The following OSBP2 variants were observed in gnomAD, a reference collection of about 807,000 sequenced individuals.
OSBP2 encodes the protein oxysterol-binding protein 2.
OSBP2 carries 66 observed loss-of-function variants against 96.0 expected under a neutral mutation model. That is an observed-to-expected ratio of 0.69 (90% CI 0.56 to 0.84). The LOEUF (loss-of-function observed/expected upper bound fraction) is 0.84, where lower values mean the gene tolerates loss of function less well. OSBP2 is among the 40% of genes least tolerant of loss of function. The pLI, the probability that OSBP2 is intolerant of heterozygous loss-of-function variation, is 0.00. For synonymous variants in OSBP2, 525 were observed against 520.9 expected, an observed-to-expected ratio of 1.01 and a Z score of -0.11; for missense variants, 1,038 against 1,222.7, an observed-to-expected ratio of 0.85 and a Z score of 2.25.
At chr22:30,902,765 A>C (rs1298502161) in intron 12 of OSBP2, 2 of 443,970 alleles carry the variant, frequency 4.5e-6, no homozygotes, top group Non-Finnish European at 8.8e-6. Context: ...GAATTCGTTC[A>C]CAAGGAGCAA....
At chr22:30,743,038 A>G (rs1317597348) in intron 2 of OSBP2, among the ~76,000 whole-genome samples, 2 of 152,220 alleles carry the variant, frequency 1.3e-5, no homozygotes, top group African/African-American at 4.8e-5. Context: ...ATGTGTCTAC[A>G]CATGCAACAG....
upstream of OSBP2, among the ~76,000 whole-genome samples, chr22:30,694,531 G>A (rs1011708931): frequency 1.3e-5 from 2 of 152,176 alleles, no homozygotes; most frequent in Non-Finnish European, 2.9e-5. Flanking sequence ...GGGCAGAGCT[G>A]CGCTGGGAGC....
chr22:30,837,520 A>G (rs1246635246), intron 2 of OSBP2, among the ~76,000 whole-genome samples: 1 of 152,138 alleles, frequency 6.6e-6, no homozygotes, highest in Non-Finnish European at 1.5e-5. Context: ...TGAAGAAGAA[A>G]CTATTGCAGA....
At chr22:30,815,596 T>G (rs2091074216) in intron 2 of OSBP2, among the ~76,000 whole-genome samples, 1 of 152,336 alleles carries the variant, frequency 6.6e-6, no homozygotes, top group South Asian at 2.1e-4. Context: ...CTCCTCTTAA[T>G]GTTTGCATGT....
intron 2 of OSBP2, among the ~76,000 whole-genome samples, chr22:30,857,234 G>C (rs1388363315): frequency 6.6e-6 from 1 of 152,190 alleles, no homozygotes; most frequent in African/African-American, 2.4e-5. Flanking sequence ...TGGGATGAGG[G>C]AGGCAATGAT....
intron 3 of OSBP2, among the ~76,000 whole-genome samples, chr22:30,883,520 C>T (rs2039744003): frequency 6.6e-6 from 1 of 152,208 alleles, no homozygotes. Context: ...GTGGCTGGAA[C>T]CAAGACTAAC....
intron 2 of OSBP2, among the ~76,000 whole-genome samples, chr22:30,828,391 T>G (rs973916171): frequency 6.6e-6 from 1 of 152,158 alleles, no homozygotes; most frequent in African/African-American, 2.4e-5. Context: ...CCAGCTCACC[T>G]CATCCCCAGG....
intron 2 of OSBP2, among the ~76,000 whole-genome samples, chr22:30,745,180 A>G (rs1437570208): frequency 2.0e-5 from 3 of 152,218 alleles, no homozygotes; most frequent in African/African-American, 7.2e-5. Context: ...CCAGAGAGAA[A>G]TGTATAGTTC....
In OSBP2 at chr22:30,760,360, G is replaced by A. The variant is rs143286859; in HGVS notation, c.853+18991G>A. Reference sequence around the variant, plus strand: ...AGATAGTGTAAGAAAAGAAAACTTCGGACCAATATTTCTCATGAGCATAGA... The same window carrying A: ...AGATAGTGTAAGAAAAGAAAACTTCAGACCAATATTTCTCATGAGCATAGA... On this transcript the variant is annotated intron_variant, in intron 2 of 13. Coordinates refer to ENST00000332585, the MANE Select transcript of OSBP2 (RefSeq NM_030758.4). 6.0e-3 allele frequency among the ~76,000 whole-genome samples: 918 copies of A among 152,096 alleles called. 8 individuals carry two copies. Among genetic ancestry groups the A allele is most frequent in the African/African-American group, 0.021 (865 of 41,480 alleles).
At chr22:30,808,875 AC>A (rs1384888291) in intron 2 of OSBP2, among the ~76,000 whole-genome samples, 1 of 151,960 alleles carries the variant, frequency 6.6e-6, no homozygotes, top group Non-Finnish European at 1.5e-5. Context: ...AATCACTTGA[AC>A]CCGGAAGGTG....
intron 2 of OSBP2, among the ~76,000 whole-genome samples, chr22:30,774,768 G>A (rs1214110990): frequency 6.6e-6 from 1 of 152,134 alleles, no homozygotes; most frequent in African/African-American, 2.4e-5. Context: ...ATGTCAATGA[G>A]TATACATCTG....
rs1306190591 is a variant in OSBP2, at chr22:30,803,806, G to A, written c.853+62437G>A. 3.6e-5 allele frequency among the ~76,000 whole-genome samples: 5 copies of A among 139,196 alleles called. 1 individual carries two copies. The highest frequency in any genetic ancestry group is 3.9e-4 in the East Asian group (2 of 5,154). The allele number at this position is 139,196 out of a possible 152,430, so 91.3% of individuals were successfully genotyped here. A position where few individuals can be genotyped will look rare whatever the true frequency, so the allele number is the denominator to read the frequency against. The stretch of plus-strand genomic sequence containing the variant: ...TGGGCAGGCACTGCCTGCCAGTGGG[G>A]TGTGTGTGTGTGTATGTGTGTGTGT... On this transcript the variant is annotated intron_variant, in intron 2 of 13. Transcript: ENST00000332585.
chr22:30,722,110 C>T (rs763881357), intron 1 of OSBP2, among the ~76,000 whole-genome samples: 7 of 152,098 alleles, frequency 4.6e-5, no homozygotes, highest in South Asian at 2.1e-4. Context: ...CCCTAGAGAC[C>T]CTGCCAGCTC....
intron 2 of OSBP2, among the ~76,000 whole-genome samples, chr22:30,763,126 G>A (rs976300033): frequency 3.9e-5 from 6 of 152,186 alleles, no homozygotes; most frequent in African/African-American, 1.4e-4. Flanking sequence ...GGTGCTGTGA[G>A]GATTAGTTTA....
At chr22:30,716,520 C>T (rs552219518) in intron 1 of OSBP2, among the ~76,000 whole-genome samples, 1 of 152,000 alleles carries the variant, frequency 6.6e-6, no homozygotes, top group Non-Finnish European at 1.5e-5. Flanking sequence ...TCACTGCAAC[C>T]TCCGCCTCCC....
intron 2 of OSBP2, among the ~76,000 whole-genome samples, chr22:30,756,230 CCT>C (rs890549611): frequency 6.6e-6 from 1 of 151,942 alleles, no homozygotes; most frequent in Non-Finnish European, 1.5e-5. Flanking sequence ...GTGAGTTCTT[CCT>C]CTCTCTCCTG....
At position 30,809,158 on chromosome 22, in the gene OSBP2, C is replaced by A. The variant is rs148525349; in HGVS notation, c.854-61271C>A. Among the ~76,000 whole-genome samples, 4 of 152,152 alleles carry A rather than the reference C, an allele frequency of 2.6e-5. No individual in the cohort carries two copies. In the East Asian group the frequency reaches 7.7e-4, roughly 29 times the overall value. On this transcript the variant is annotated intron_variant, in intron 2 of 13. Transcript: ENST00000332585. Reference sequence around the variant, plus strand: ...TTCACAGAGAATGTGGCCTTGCTGACACCTTGATTTTAGACATCCGGCCTC... The same window carrying A: ...TTCACAGAGAATGTGGCCTTGCTGAAACCTTGATTTTAGACATCCGGCCTC...
At chr22:30,877,800 G>C (rs138022299) in intron 3 of OSBP2, among the ~76,000 whole-genome samples, 1 of 152,340 alleles carries the variant, frequency 6.6e-6, no homozygotes, top group East Asian at 1.9e-4. Context: ...TCCTGAACTT[G>C]GAAGGCTCCT....
intron 2 of OSBP2, among the ~76,000 whole-genome samples, chr22:30,762,046 C>G (rs568610455): frequency 6.7e-6 from 1 of 150,036 alleles, no homozygotes; most frequent in South Asian, 2.1e-4. Flanking sequence ...TATGGCGAAA[C>G]TCCATCTCTA....
Sources: gnomAD v4.1 joint callset for allele counts (sites outside exome capture counted in the v4.1 genomes callset) on GRCh38, gnomAD v4.1.1 for gene constraint, MANE v1.5 for transcripts, NCBI Gene and HGNC (gene_info 2026-07-23, HGNC 2026-07-21) for gene names.